NAALADL2: variants seen among roughly 807,000 people sequenced by gnomAD.
NAALADL2 encodes N-acetylated alpha-linked acidic dipeptidase like 2, also known as inactive N-acetylated-alpha-linked acidic dipeptidase-like protein 2.
NAALADL2 carries 76 observed loss-of-function variants against 87.2 expected under a neutral mutation model. The ratio of observed to expected loss-of-function variants is 0.87; its 90% confidence interval spans 0.72 to 1.05. The LOEUF (loss-of-function observed/expected upper bound fraction) is 1.05, where lower values mean the gene tolerates loss of function less well. Among genes scored for constraint, NAALADL2 ranks in the 50% least tolerant of loss-of-function variants. The pLI is 0.00. For synonymous variants in NAALADL2, 354 were observed against 331.0 expected (o/e 1.07, Z -0.75); for missense variants, 1,089 against 945.8 (o/e 1.15, Z -1.99).
intron 10 of NAALADL2, among the ~76,000 whole-genome samples, chr3:175,599,665 T>C (rs1722693247): frequency 1.3e-5 from 2 of 152,160 alleles, no homozygotes; most frequent in African/African-American, 4.8e-5. Flanking sequence ...ACTGTGTGAG[T>C]ATGTGTGTGT....
chr3:174,616,611 C>T (rs995564668), intron 2 of NAALADL2, among the ~76,000 whole-genome samples: 1 of 151,836 alleles, frequency 6.6e-6, no homozygotes, highest in Non-Finnish European at 1.5e-5. Flanking sequence ...CTTGAATACA[C>T]ACTGGTTGAA....
intron 3 of NAALADL2, among the ~76,000 whole-genome samples, chr3:174,787,605 A>ATATATATATATATATG (rs1716936983): frequency 2.2e-5 from 2 of 89,248 alleles, no homozygotes; most frequent in South Asian, 4.8e-4. Context: ...ATATATATAT[A>ATATATATATATATATG]TATATATATA....
At chr3:175,502,255 GTC>G (rs1491043116) in intron 9 of NAALADL2, among the ~76,000 whole-genome samples, 3 of 150,876 alleles carry the variant, frequency 2.0e-5, no homozygotes, top group Non-Finnish European at 3.0e-5. Flanking sequence ...GTGTGTGTGT[GTC>G]TGTGTGTGTG....
intron 1 of NAALADL2, among the ~76,000 whole-genome samples, chr3:174,453,801 C>T (rs1715641693): frequency 1.3e-5 from 2 of 152,140 alleles, no homozygotes; most frequent in Admixed American, 6.5e-5. Context: ...CCAGCCGCTA[C>T]AAAAACACTT....
intron 5 of NAALADL2, among the ~76,000 whole-genome samples, chr3:175,325,840 A>C (rs187695613): frequency 1.3e-5 from 2 of 152,262 alleles, no homozygotes; most frequent in Non-Finnish European, 1.5e-5. Flanking sequence ...GAATCTCTGA[A>C]ATGGCTTTAT....
At chr3:175,160,472 C>G (rs1360698090) in intron 2 of NAALADL2, among the ~76,000 whole-genome samples, 2 of 146,414 alleles carry the variant, frequency 1.4e-5, no homozygotes, top group African/African-American at 5.0e-5. Context: ...CCTGCCTCAG[C>G]CTCCTAAGTA....
chr3:175,541,759 G>A (rs1712376353), intron 9 of NAALADL2, among the ~76,000 whole-genome samples: 1 of 151,986 alleles, frequency 6.6e-6, no homozygotes, highest in South Asian at 2.1e-4. Context: ...GTCTTGTTCT[G>A]TCACCCAGGC....
chr3:174,614,998 T>C (rs1469227784), intron 2 of NAALADL2, among the ~76,000 whole-genome samples: 1 of 152,170 alleles, frequency 6.6e-6, no homozygotes, highest in Non-Finnish European at 1.5e-5. Context: ...GCAGTAATTT[T>C]GAAATAATTT....
At chr3:175,567,732 T>G (rs75457759) in intron 9 of NAALADL2, among the ~76,000 whole-genome samples, 1 of 151,440 alleles carries the variant, frequency 6.6e-6, no homozygotes, top group South Asian at 2.1e-4. Flanking sequence ...TTTTTTTTTT[T>G]TGAGAGAGAG....
intron 2 of NAALADL2, among the ~76,000 whole-genome samples, chr3:174,622,253 T>G (rs1338184380): frequency 6.6e-6 from 1 of 152,164 alleles, no homozygotes; most frequent in Admixed American, 6.5e-5. Flanking sequence ...AAGAGGAGGA[T>G]AGGCAACTCA....
chr3:175,550,418 G>C (rs1490138627), intron 9 of NAALADL2, among the ~76,000 whole-genome samples: 1 of 152,010 alleles, frequency 6.6e-6, no homozygotes. Context: ...GAAGATTCCA[G>C]ACAAAATAGT....
At chr3:174,683,711 C>T (rs1727774547) in intron 2 of NAALADL2, among the ~76,000 whole-genome samples, 1 of 73,632 alleles carries the variant, frequency 1.4e-5, no homozygotes, top group East Asian at 3.4e-4. Context: ...TGGAACCTTG[C>T]CCTGCAAAAT....
intron 9 of NAALADL2, among the ~76,000 whole-genome samples, chr3:175,516,151 T>C (rs917031729): frequency 6.6e-6 from 1 of 152,208 alleles, no homozygotes; most frequent in Non-Finnish European, 1.5e-5. Flanking sequence ...TGTGTGGTAA[T>C]TGCTGAGGCC....
chr3:175,179,167 T>C lies in NAALADL2; in HGVS notation c.546-54764T>C, dbSNP rs114922258. Among the ~76,000 whole-genome samples, 674 of 152,170 alleles carry C rather than the reference T, an allele frequency of 4.4e-3. 3 individuals carry two copies. Among genetic ancestry groups the C allele is most frequent in the African/African-American group, 0.015 (639 of 41,552 alleles). On this transcript the variant is annotated intron_variant, in intron 2 of 13. Coordinates refer to ENST00000454872, the MANE Select transcript of NAALADL2 (RefSeq NM_207015.3). ...GCTCCTAACACAAAATATACTTCCA[T>C]TGATAAATCTTCCCAGTTGTAGTTT...
At chr3:174,735,990 A>T in intron 2 of NAALADL2, among the ~76,000 whole-genome samples, 1 of 152,118 alleles carries the variant, frequency 6.6e-6, no homozygotes. Context: ...CACTGGCTGC[A>T]GTGGGGTGGG....
intron 2 of NAALADL2, among the ~76,000 whole-genome samples, chr3:174,712,412 G>C (rs1386514056): frequency 4.2e-5 from 4 of 94,740 alleles, no homozygotes; most frequent in Non-Finnish European, 7.6e-5. Context: ...TTTTGAGACA[G>C]AGTCTTGCTC....
intron 13 of NAALADL2, among the ~76,000 whole-genome samples, chr3:175,759,413 A>G (rs1190017269): frequency 6.8e-6 from 1 of 147,254 alleles, no homozygotes; most frequent in Non-Finnish European, 1.5e-5. Context: ...GGTGGAGTGC[A>G]GTGGCACAAT....
At chr3:175,062,044 T>G (rs1713604444) in intron 1 of NAALADL2, among the ~76,000 whole-genome samples, 1 of 152,122 alleles carries the variant, frequency 6.6e-6, no homozygotes, top group African/African-American at 2.4e-5. Context: ...GAGTCTTTAT[T>G]TTCTTTTATT....
At chr3:175,565,204 C>T (rs1228831013) in intron 9 of NAALADL2, among the ~76,000 whole-genome samples, 1 of 152,102 alleles carries the variant, frequency 6.6e-6, no homozygotes, top group African/African-American at 2.4e-5. Flanking sequence ...ATTCCATTCA[C>T]TATTCTTATG....
Sources: allele counts gnomAD v4.1 joint callset (sites outside exome capture counted in the v4.1 genomes callset), GRCh38; gene constraint gnomAD v4.1.1; transcripts MANE v1.5; gene names NCBI Gene and HGNC (gene_info 2026-07-23, HGNC 2026-07-21).